Variants in PLCB1 observed in about 807,000 individuals in gnomAD.
The protein encoded by PLCB1 is phospholipase C beta 1, also known as 1-phosphatidylinositol 4,5-bisphosphate phosphodiesterase beta-1.
PLCB1 carries 46 observed loss-of-function variants against 161.8 expected under a neutral mutation model. The ratio of observed to expected loss-of-function variants is 0.28; its 90% confidence interval spans 0.22 to 0.36. The LOEUF is 0.36. PLCB1 is among the 10% of genes least tolerant of loss of function. PLCB1 has a pLI of 1.00. For synonymous variants in PLCB1, 517 were observed against 503.7 expected (o/e 1.03, Z -0.35); for missense variants, 1,016 against 1,472.5 (o/e 0.69, Z 5.07).
At chr20:8,790,102 T>C (rs1229982241) in intron 30 of PLCB1, 73 bp from the exon 31 acceptor site, 1 of 986,224 alleles carries the variant, frequency 1.0e-6, no homozygotes, top group Non-Finnish European at 1.6e-6. Context: ...TCTGAAAAGC[T>C]TTCGGTATTT....
chr20:8,749,671 G>A (rs2143265), intron 23 of PLCB1, among the ~76,000 whole-genome samples: 148,322 of 152,276 alleles, frequency 0.97, 72,255 homozygotes, highest in East Asian at 1. Context: ...ATTAAAGTTT[G>A]TATATGTAAC....
rs1209279863 is a variant in PLCB1, at chr20:8,457,308, T to C, written c.246+85858T>C. On this transcript the variant is annotated intron_variant, in intron 3 of 31. Coordinates refer to ENST00000338037, the MANE Select transcript of PLCB1 (RefSeq NM_015192.4). Reference sequence around the variant, plus strand: ...CACCTCCACCACTTACCAGTCATCATTCATTATTGTTATTCCATGAACAAT... The same window carrying C: ...CACCTCCACCACTTACCAGTCATCACTCATTATTGTTATTCCATGAACAAT... Among the ~76,000 whole-genome samples, 3 of 152,150 alleles carry C rather than the reference T, an allele frequency of 2.0e-5. No homozygotes were observed. In the East Asian group the frequency reaches 5.8e-4, roughly 29 times the overall value.
intron 2 of PLCB1, among the ~76,000 whole-genome samples, chr20:8,202,446 T>C (rs1600231603): frequency 6.6e-6 from 1 of 152,354 alleles, no homozygotes; most frequent in South Asian, 2.1e-4. Flanking sequence ...ATTGTACCAT[T>C]TGGAAATTCA....
At chr20:8,395,672 C>T (rs1363724968) in intron 3 of PLCB1, among the ~76,000 whole-genome samples, 2 of 151,904 alleles carry the variant, frequency 1.3e-5, no homozygotes, top group African/African-American at 4.8e-5. Context: ...TAATAGCGAA[C>T]TAGACTCAGT....
chr20:8,691,185 C>A (rs999986282), intron 10 of PLCB1, among the ~76,000 whole-genome samples: 2 of 152,030 alleles, frequency 1.3e-5, no homozygotes, highest in Non-Finnish European at 2.9e-5. Context: ...TTCTCAGAAG[C>A]CTTTGGATAA....
intron 3 of PLCB1, among the ~76,000 whole-genome samples, chr20:8,570,610 C>T (rs371894497): frequency 8.3e-5 from 5 of 59,906 alleles, no homozygotes; most frequent in East Asian, 3.7e-4. Flanking sequence ...CCTGATCTCA[C>T]GCAGCTGACA....
intron 2 of PLCB1, among the ~76,000 whole-genome samples, chr20:8,296,878 A>G (rs529121945): frequency 2.0e-5 from 3 of 152,272 alleles, no homozygotes; most frequent in Admixed American, 6.5e-5. Context: ...AAATGACCAT[A>G]TGTTTGAGTA....
intron 2 of PLCB1, among the ~76,000 whole-genome samples, chr20:8,213,423 G>A (rs1978939995): frequency 6.6e-6 from 1 of 152,116 alleles, no homozygotes; most frequent in Admixed American, 6.6e-5. Flanking sequence ...AATGGGGGTA[G>A]GAAGTGGGCT....
At chr20:8,640,642 C>A (rs1244453618) in intron 4 of PLCB1, among the ~76,000 whole-genome samples, 1 of 152,116 alleles carries the variant, frequency 6.6e-6, no homozygotes, top group Non-Finnish European at 1.5e-5. Context: ...TTTGGGGGTT[C>A]TGTATATGAG....
chr20:8,693,759 G>T (rs1432342509), intron 10 of PLCB1, among the ~76,000 whole-genome samples: 2 of 152,142 alleles, frequency 1.3e-5, no homozygotes, highest in African/African-American at 4.8e-5. Context: ...TGATCTTCTG[G>T]TTTTTTCTAT....
chr20:8,645,304 TA>T (rs11087814), intron 4 of PLCB1, among the ~76,000 whole-genome samples: 1 of 146,852 alleles, frequency 6.8e-6, no homozygotes, highest in African/African-American at 2.6e-5. Context: ...GAATGATCAA[TA>T]AAAAAAAATA....
chr20:8,723,542 A>C (rs1979763631), intron 15 of PLCB1, among the ~76,000 whole-genome samples: 1 of 152,192 alleles, frequency 6.6e-6, no homozygotes, highest in Non-Finnish European at 1.5e-5. Flanking sequence ...TATCAAAGTA[A>C]TATGTCATAG....
intron 3 of PLCB1, among the ~76,000 whole-genome samples, chr20:8,619,954 TC>T (rs973527129): frequency 2.8e-4 from 43 of 152,248 alleles, no homozygotes; most frequent in Non-Finnish European, 6.0e-4. Context: ...TTCAGTATGT[TC>T]CCCCCATATT....
intron 3 of PLCB1, among the ~76,000 whole-genome samples, chr20:8,617,918 A>C (rs1056363748): frequency 4.6e-5 from 7 of 152,216 alleles, no homozygotes; most frequent in African/African-American, 1.2e-4. Context: ...TAAATTAACC[A>C]TATAGAAAAT....
In PLCB1 at chr20:8,716,801, G is replaced by T. The variant is rs112765477; in HGVS notation, c.1335+453G>T. ...CTTTTGGTGTGGCACAACTCAGGTC[G>T]CCCATTGCATTGATGATATCTCTGC... On this transcript the variant is annotated intron_variant, in intron 13 of 31. Transcript: ENST00000338037. 2.0e-3 allele frequency among the ~76,000 whole-genome samples: 302 copies of T among 152,268 alleles called. 1 individual carries two copies. The highest frequency in any genetic ancestry group is 7.0e-3 in the African/African-American group (292 of 41,540).
At chr20:8,501,651 C>T (rs1410333512) in intron 3 of PLCB1, among the ~76,000 whole-genome samples, 1 of 152,060 alleles carries the variant, frequency 6.6e-6, no homozygotes, top group Non-Finnish European at 1.5e-5. Flanking sequence ...TAATCCCACA[C>T]AATAGGTGGT....
intron 31 of PLCB1, among the ~76,000 whole-genome samples, chr20:8,841,918 A>T (rs1986517974): frequency 6.6e-6 from 1 of 152,220 alleles, no homozygotes; most frequent in South Asian, 2.1e-4. Flanking sequence ...TTTCTGCAAA[A>T]CCTAGTTATG....
rs545111367 is a variant in PLCB1 at position 8,826,480 on chromosome 20, A to AGC, written c.3423+36221_3423+36222dup. The stretch of plus-strand genomic sequence containing the variant: ...CACTGCACTCCAGCCTGGGCAACAG[A>AGC]GCGAGACTCCGTCTCAAAAAAAAAA... On this transcript the variant is annotated intron_variant, in intron 31 of 31. Coordinates refer to ENST00000338037, the MANE Select transcript of PLCB1 (RefSeq NM_015192.4). Among the ~76,000 whole-genome samples, 312 of 144,016 alleles carry AGC rather than the reference A, an allele frequency of 2.2e-3. 4 individuals carry two copies. The highest frequency in any genetic ancestry group is 7.7e-3 in the African/African-American group (303 of 39,470). 94.5% of individuals were successfully genotyped at this position (144,016 alleles called of 152,430 possible).
intron 17 of PLCB1, among the ~76,000 whole-genome samples, chr20:8,728,282 T>C (rs1980047832): frequency 6.6e-6 from 1 of 151,924 alleles, no homozygotes; most frequent in African/African-American, 2.4e-5. Context: ...AGTTTGAGAG[T>C]TGAGGTTCAA....
Sources: gnomAD v4.1 joint callset for allele counts (sites outside exome capture counted in the v4.1 genomes callset) on GRCh38, gnomAD v4.1.1 for gene constraint, MANE v1.5 for transcripts, NCBI Gene and HGNC (gene_info 2026-07-23, HGNC 2026-07-21) for gene names.